C2orf66: variants seen among roughly 807,000 people sequenced by gnomAD.
C2orf66 encodes uncharacterized protein C2orf66.
Under a neutral mutation model 7.0 loss-of-function variants are expected in C2orf66, and 6 were observed. The ratio of observed to expected loss-of-function variants is 0.86; its 90% confidence interval spans 0.47 to 1.69. The LOEUF is 1.69. Ranked by LOEUF, C2orf66 falls within the 40% of genes most tolerant of loss-of-function variation. The pLI is 0.01. For missense variants in C2orf66, 107 were observed against 112.0 expected, an observed-to-expected ratio of 0.96 and a Z score of 0.20; for synonymous variants, 38 against 43.8, an observed-to-expected ratio of 0.87 and a Z score of 0.52.
chr2:196,822,622 A>C, the C2orf66 span, among the ~76,000 whole-genome samples: 1 of 152,198 alleles, frequency 6.6e-6, no homozygotes, highest in African/African-American at 2.4e-5. Flanking sequence ...GTATGTGCAC[A>C]AGCATATTGC....
chr2:196,816,289 C>T, the C2orf66 span, among the ~76,000 whole-genome samples: 2 of 152,104 alleles, frequency 1.3e-5, no homozygotes, highest in East Asian at 1.9e-4. Flanking sequence ...CCCTCCTCCC[C>T]CATTGGTATA....
At chr2:196,821,300 CTGT>C in the C2orf66 span, among the ~76,000 whole-genome samples, 45 of 152,292 alleles carry the variant, frequency 3.0e-4, no homozygotes, top group South Asian at 4.1e-3. Flanking sequence ...GAATATATTT[CTGT>C]TGTTTTAAGC....
At chr2:196,827,295 G>A in the C2orf66 span, among the ~76,000 whole-genome samples, 1 of 151,022 alleles carries the variant, frequency 6.6e-6, no homozygotes, top group East Asian at 1.9e-4. Context: ...GACAACATTG[G>A]GGGAAAAAAC....
At chr2:196,811,412 T>C (rs1699874398), upstream of C2orf66, among the ~76,000 whole-genome samples, 1 of 152,126 alleles carries the variant, frequency 6.6e-6, no homozygotes, top group African/African-American at 2.4e-5. Flanking sequence ...GATGTTAACT[T>C]GGATTAGGGC....
chr2:196,820,021 G>C, the C2orf66 span, among the ~76,000 whole-genome samples: 2 of 152,164 alleles, frequency 1.3e-5, no homozygotes, highest in East Asian at 3.9e-4. Context: ...TTTTCTATTT[G>C]AATTGTTCTG....
chr2:196,828,472 T>C, the C2orf66 span, among the ~76,000 whole-genome samples: 1 of 152,204 alleles, frequency 6.6e-6, no homozygotes, highest in East Asian at 1.9e-4. Context: ...ACTTCTAAAA[T>C]GGTCCCCAAG....
chr2:196,828,381 C>A, the C2orf66 span, among the ~76,000 whole-genome samples: 11 of 152,188 alleles, frequency 7.2e-5, no homozygotes, highest in Non-Finnish European at 1.3e-4. Context: ...AATTCATCAG[C>A]TCCTTGAGTT....
rs752585847 is a variant in C2orf66, at chr2:196,804,671, T to C, written c.*757A>G. ...TAGAGTAAGGAGAGCAGGGGCTGGT[T>C]GGAAAGAGAGGAAATCACCTGTTTC... On this transcript the variant is annotated 3_prime_UTR_variant, in exon 3 of 3. Coordinates refer to ENST00000342506, the MANE Select transcript of C2orf66 (RefSeq NM_213608.3). Among the ~76,000 whole-genome samples, 4 of 152,200 alleles carry C rather than the reference T, an allele frequency of 2.6e-5. No individual in the cohort carries two copies. Among genetic ancestry groups the C allele is most frequent in the Non-Finnish European group, 5.9e-5 (4 of 68,032 alleles).
chr2:196,816,151 C>T, the C2orf66 span, among the ~76,000 whole-genome samples: 1 of 152,154 alleles, frequency 6.6e-6, no homozygotes, highest in Admixed American at 6.5e-5. Context: ...GTCAAGGGAG[C>T]CATAGTGACT....
At chr2:196,805,795 T>C (rs1699813789) in intron 2 of C2orf66, among the ~76,000 whole-genome samples, 1 of 152,188 alleles carries the variant, frequency 6.6e-6, no homozygotes, top group African/African-American at 2.4e-5. Flanking sequence ...TTATCTGCCT[T>C]TTACTAAGAG....
chr2:196,832,133 TCA>T, the C2orf66 span: 1 of 151,870 alleles, frequency 6.6e-6, no homozygotes, highest in African/African-American at 2.4e-5. Flanking sequence ...GGCAGGCGGA[TCA>T]CAAGGTCAGG....
At chr2:196,810,288 C>T (rs556459497), upstream of C2orf66, 2 of 152,270 alleles carry the variant, frequency 1.3e-5, no homozygotes, top group South Asian at 4.1e-4. Context: ...TGATGATTAT[C>T]CCACCTATTA....
chr2:196,808,686 AT>A (rs1296578393), intron 1 of C2orf66, among the ~76,000 whole-genome samples: 2 of 151,990 alleles, frequency 1.3e-5, no homozygotes, highest in Non-Finnish European at 2.9e-5. Context: ...TGTATTTGGC[AT>A]TTTTTTTAAA....
At position 196,807,591 on chromosome 2, in the gene C2orf66, C is replaced by A; in HGVS notation, c.155G>T (p.Gly52Val). The change falls in exon 2 of 3, where the codon GGC becomes GTC. Residue 52 changes from glycine (G) to valine (V), a missense_variant. Transcript: ENST00000342506. The part of the protein sequence containing the change: ...FFRRLQAYFK[G>V]RGLDLGTFPN... Reference sequence around the variant, plus strand: ...AAATGTTCCAAGATCAAGACCTCTGCCCTTAAAATATGCCTGAAGCCTTCT... The same window carrying A: ...AAATGTTCCAAGATCAAGACCTCTGACCTTAAAATATGCCTGAAGCCTTCT... 6.2e-7 allele frequency: 1 copy of A among 1,613,072 alleles called. No homozygotes were observed. The highest frequency in any genetic ancestry group is 1.3e-5 in the African/African-American group (1 of 74,976).
chr2:196,824,492 T>C, the C2orf66 span, among the ~76,000 whole-genome samples: 1 of 152,232 alleles, frequency 6.6e-6, no homozygotes, highest in African/African-American at 2.4e-5. Context: ...AGCATATATT[T>C]CTGATTAAGG....
the C2orf66 span, among the ~76,000 whole-genome samples, chr2:196,822,768 A>T: frequency 6.6e-6 from 1 of 152,156 alleles, no homozygotes; most frequent in Non-Finnish European, 1.5e-5. Flanking sequence ...TTATCTTTAT[A>T]TTCCAGTAAG....
chr2:196,817,377 G>C, the C2orf66 span, among the ~76,000 whole-genome samples: 3 of 151,846 alleles, frequency 2.0e-5, no homozygotes, highest in African/African-American at 7.3e-5. Context: ...TGGGACCACA[G>C]GCGCCTGCCA....
Position 196,805,351 on chromosome 2 carries a change from C to T in C2orf66, c.*77G>A, listed in dbSNP as rs549074473. The T allele has an allele frequency of 2.7e-4, 41 of 152,194 alleles. No individual in the cohort carries two copies. The highest frequency in any genetic ancestry group is 2.4e-3 in the Admixed American group (36 of 15,296). The allele number at this position is 152,194 out of a possible 1,614,324, so 9.4% of individuals were successfully genotyped here. The stretch of plus-strand genomic sequence containing the variant: ...AAACTCCATGAAAGTTTAGCTATGA[C>T]AATGGTTGAATTTTTCTAATGAGAA... On this transcript the variant is annotated 3_prime_UTR_variant, in exon 3 of 3. Coordinates refer to ENST00000342506, the MANE Select transcript of C2orf66 (RefSeq NM_213608.3).
chr2:196,816,647 G>A, the C2orf66 span, among the ~76,000 whole-genome samples: 5 of 152,178 alleles, frequency 3.3e-5, no homozygotes, highest in East Asian at 3.9e-4. Flanking sequence ...TCTGCATCAC[G>A]CAATATACCC....
Sources: allele counts gnomAD v4.1 joint callset (sites outside exome capture counted in the v4.1 genomes callset), GRCh38; gene constraint gnomAD v4.1.1; transcripts MANE v1.5; gene names NCBI Gene and HGNC (gene_info 2026-07-23, HGNC 2026-07-21).